The following PTPN13 variants were observed in gnomAD, a reference collection of about 807,000 sequenced individuals.
PTPN13 encodes the protein tyrosine-protein phosphatase non-receptor type 13.
A neutral mutation model predicts 284.0 loss-of-function variants in PTPN13; 191 were observed. That is an observed-to-expected ratio of 0.67 (90% CI 0.60 to 0.76). The LOEUF is 0.76. PTPN13 is among the 30% of genes least tolerant of loss of function. The probability of loss-of-function intolerance (pLI) is 0.00; values close to 1 mark genes in which losing one functional copy is unlikely to be tolerated. For missense variants in PTPN13, 2,797 were observed against 2,939.9 expected (o/e 0.95, Z 1.12); for synonymous variants, 986 against 1,022.3 (o/e 0.96, Z 0.68).
At chr4:86,604,812 G>A (rs1161400126) in intron 1 of PTPN13, among the ~76,000 whole-genome samples, 3 of 151,634 alleles carry the variant, frequency 2.0e-5, no homozygotes, top group East Asian at 1.9e-4. Context: ...ATTATTTTCC[G>A]TATTTTGAGA....
chr4:86,735,602 T>G lies in PTPN13; in HGVS notation c.2160T>G (p.Gly720=), dbSNP rs771638157. 2 of 1,611,306 alleles carry G rather than the reference T, an allele frequency of 1.2e-6. No individual in the cohort carries two copies. The highest frequency in any genetic ancestry group is 2.2e-5 in the South Asian group (2 of 90,190). ...AACATTCTTTTATCTAGGTTCATGGTGTGTCTTACTTTAGAATGGAGCACT... is the reference window on the plus strand; with the variant it reads ...AACATTCTTTTATCTAGGTTCATGGGGTGTCTTACTTTAGAATGGAGCACT... The part of the protein sequence containing the change: ...EYGDYQPEVH[G]VSYFRMEHYL... Residue 720 remains glycine, a synonymous_variant, in exon 15 of 48, where the codon GGT becomes GGG. Transcript: ENST00000411767.
intron 16 of PTPN13, among the ~76,000 whole-genome samples, chr4:86,742,888 C>G (rs1293758597): frequency 6.6e-6 from 1 of 152,166 alleles, no homozygotes; most frequent in Non-Finnish European, 1.5e-5. Context: ...ATTTGCCAAG[C>G]TACCACACTA....
chr4:86,793,654 C>G (rs1254444357), intron 40 of PTPN13, among the ~76,000 whole-genome samples: 1 of 152,184 alleles, frequency 6.6e-6, no homozygotes, highest in African/African-American at 2.4e-5. Context: ...AACAAACTGT[C>G]TCTCAGACCA....
intron 5 of PTPN13, chr4:86,689,471 TC>T: frequency 1.7e-6 from 1 of 574,224 alleles, no homozygotes; most frequent in Non-Finnish European, 3.1e-6. Flanking sequence ...CTTTCTTAGA[TC>T]TTTTCCCAAG....
At chr4:86,665,887 A>G (rs1727011163) in intron 2 of PTPN13, among the ~76,000 whole-genome samples, 1 of 152,188 alleles carries the variant, frequency 6.6e-6, no homozygotes, top group South Asian at 2.1e-4. Flanking sequence ...TTTCTTAGAC[A>G]TGTAGTCTAC....
chr4:86,655,843 A>C (rs1435103730), intron 2 of PTPN13, among the ~76,000 whole-genome samples: 11 of 152,284 alleles, frequency 7.2e-5, no homozygotes, highest in East Asian at 1.9e-4. Context: ...GTGTTTTCCA[A>C]CTTGGTTCCA....
At chr4:86,777,888 A>C in intron 35 of PTPN13, among the ~76,000 whole-genome samples, 1 of 152,198 alleles carries the variant, frequency 6.6e-6, no homozygotes, top group Admixed American at 6.5e-5. Context: ...AGGGGAGGGA[A>C]GTCTTCAAAC....
At chr4:86,693,490 C>A (rs1565339407) in intron 5 of PTPN13, 97 bp from the exon 6 acceptor site, 1 of 665,898 alleles carries the variant, frequency 1.5e-6, no homozygotes, top group Non-Finnish European at 2.4e-6. Flanking sequence ...TTACATCCTC[C>A]AAAAACTGTG....
intron 1 of PTPN13, among the ~76,000 whole-genome samples, chr4:86,634,594 C>G (rs12509049): frequency 0.011 from 1,740 of 152,190 alleles, 10 homozygotes; most frequent in Non-Finnish European, 0.014. Flanking sequence ...CATAGCCACC[C>G]AAAATGACAT....
chr4:86,772,271 T>C (rs953403852), intron 31 of PTPN13, among the ~76,000 whole-genome samples: 4 of 152,096 alleles, frequency 2.6e-5, no homozygotes, highest in African/African-American at 9.7e-5. Flanking sequence ...AAATAGAACC[T>C]AGGCCGGCGC....
Position 86,751,038 on chromosome 4 carries a change from T to C in PTPN13, c.3080T>C (p.Val1027Ala). ...TTTTCCCTCTTCAGTTCAAAGTCTG[T>C]TGCGAGTTTAAATAGAAGTCCTGAA... ...GVTKLNNSKS[V>A]ASLNRSPERR... Residue 1027 changes from valine to alanine, a missense_variant, in exon 19 of 48, where the codon GTT becomes GCT. Physicochemically the swap from Val to Ala is moderately conservative, Grantham distance 64 (BLOSUM62 0). Transcript: ENST00000411767. 1 of 1,606,280 alleles carries C rather than the reference T, an allele frequency of 6.2e-7. No homozygotes were observed. Among genetic ancestry groups the C allele is most frequent in the Non-Finnish European group, 8.5e-7 (1 of 1,173,396 alleles).
chr4:86,625,705 G>A (rs527744387), intron 1 of PTPN13, among the ~76,000 whole-genome samples: 1 of 152,016 alleles, frequency 6.6e-6, no homozygotes, highest in East Asian at 1.9e-4. Flanking sequence ...TTTCTTCCTG[G>A]TCGTTGGCTG....
At chr4:86,682,448 C>A (rs1185477039) in intron 3 of PTPN13, among the ~76,000 whole-genome samples, 1 of 150,846 alleles carries the variant, frequency 6.6e-6, no homozygotes, top group East Asian at 1.9e-4. Flanking sequence ...TTAACTTGTA[C>A]TGCCTGATTC....
intron 6 of PTPN13, among the ~76,000 whole-genome samples, chr4:86,696,743 C>T (rs1730635720): frequency 6.6e-6 from 1 of 151,840 alleles, no homozygotes; most frequent in African/African-American, 2.4e-5. Context: ...AATAAAATCT[C>T]CCTTGTATCT....
intron 7 of PTPN13, among the ~76,000 whole-genome samples, chr4:86,704,542 T>G (rs115366675): frequency 1.3e-5 from 2 of 152,224 alleles, no homozygotes; most frequent in Admixed American, 1.3e-4. Context: ...TTTCTACATA[T>G]GCTTTTATAT....
chr4:86,625,819 T>C (rs1721773698), intron 1 of PTPN13, among the ~76,000 whole-genome samples: 1 of 152,180 alleles, frequency 6.6e-6, no homozygotes, highest in Non-Finnish European at 1.5e-5. Flanking sequence ...AATCGCAGAA[T>C]GCTGCTTAGC....
chr4:86,723,010 T>C (rs1045662520), intron 10 of PTPN13, among the ~76,000 whole-genome samples: 1 of 152,242 alleles, frequency 6.6e-6, no homozygotes, highest in African/African-American at 2.4e-5. Flanking sequence ...GTATCTGTTC[T>C]TCTAGTTGAT....
chr4:86,635,593 A>G (rs1368273046), intron 2 of PTPN13, among the ~76,000 whole-genome samples: 1 of 152,200 alleles, frequency 6.6e-6, no homozygotes, highest in African/African-American at 2.4e-5. Flanking sequence ...CCAGGCAGCA[A>G]AAGTGTAATG....
At chr4:86,600,766 A>T (rs1195471240) in intron 1 of PTPN13, among the ~76,000 whole-genome samples, 3 of 152,106 alleles carry the variant, frequency 2.0e-5, no homozygotes, top group Non-Finnish European at 4.4e-5. Flanking sequence ...TTCTTCTAAA[A>T]AAGTGTAATT....
Sources: gnomAD v4.1 joint callset for allele counts (sites outside exome capture counted in the v4.1 genomes callset) on GRCh38, gnomAD v4.1.1 for gene constraint, MANE v1.5 for transcripts, NCBI Gene and HGNC (gene_info 2026-07-23, HGNC 2026-07-21) for gene names.